The following SH3RF2 variants were observed in gnomAD, a reference collection of about 807,000 sequenced individuals.
The protein encoded by SH3RF2 is E3 ubiquitin-protein ligase SH3RF2.
A neutral mutation model predicts 59.0 loss-of-function variants in SH3RF2; 43 were observed. The ratio of observed to expected loss-of-function variants is 0.73; its 90% CI spans 0.57 to 0.94. SH3RF2 has a LOEUF of 0.94. Among genes scored for constraint, SH3RF2 ranks in the 40% least tolerant of loss-of-function variants. The pLI, the probability that SH3RF2 is intolerant of heterozygous loss-of-function variation, is 0.00. For synonymous variants in SH3RF2, 391 were observed against 391.5 expected (o/e 1.00, Z 0.01); for missense variants, 930 against 940.1 (o/e 0.99, Z 0.14).
At chr5:146,040,311 A>G (rs1762082074) in intron 5 of SH3RF2, among the ~76,000 whole-genome samples, 1 of 152,228 alleles carries the variant, frequency 6.6e-6, no homozygotes, top group Non-Finnish European at 1.5e-5. Flanking sequence ...CAAAATATAT[A>G]TACTTATCCG....
intron 2 of SH3RF2, among the ~76,000 whole-genome samples, chr5:145,946,297 T>C (rs1758002542): frequency 6.6e-6 from 1 of 152,214 alleles, no homozygotes; most frequent in South Asian, 2.1e-4. Context: ...TCGATCTTTT[T>C]TCCGAGTACA....
rs35295719 is a variant in SH3RF2 at position 145,959,615 on chromosome 5, ATGTGTGTG to A, written c.378+21335_378+21342del. 7.6e-4 allele frequency among the ~76,000 whole-genome samples: 110 copies of A among 145,516 alleles called. No individual in the cohort carries two copies. The East Asian group carries it at 9.2e-3, about 12-fold the overall frequency. ...CAATAAAATCTACTGCTATATATAT[ATGTGTGTG>A]TGTGTGTGTGTGTGTGTGTGTGTGT... On this transcript the variant is annotated intron_variant, in intron 2 of 9. Coordinates refer to ENST00000359120, the MANE Select transcript of SH3RF2 (RefSeq NM_152550.4).
chr5:146,003,975 T>G, intron 3 of SH3RF2, 83 bp from the exon 4 acceptor site: 1 of 1,142,048 alleles, frequency 8.8e-7, no homozygotes, highest in Non-Finnish European at 1.3e-6. Flanking sequence ...TTACACCATC[T>G]GAGACTCCAA....
chr5:145,938,173 C>G lies in SH3RF2; in HGVS notation c.245C>G (p.Ser82Cys). The stretch of plus-strand genomic sequence containing the variant: ...GATGGAGTGCGCTCAGGGCAGAGCT[C>G]CGGGAGAGGGGGCTCCTTCCGCAGG... ...LLDGVRSGQS[S>C]GRGGSFRRPG... is the part of the protein sequence containing the mutation. Residue 82 changes from serine (S) to cysteine (C), a missense_variant, in exon 2 of 10, where the codon TCC becomes TGC. Transcript: ENST00000359120. The G allele has an allele frequency of 6.2e-7, 1 of 1,614,082 alleles. No individual in the cohort carries two copies.
chr5:146,021,155 A>AT (rs1580871941), intron 5 of SH3RF2, among the ~76,000 whole-genome samples: 2 of 144,068 alleles, frequency 1.4e-5, no homozygotes, highest in Admixed American at 6.7e-5. Flanking sequence ...TAATATATAT[A>AT]TTTTTTCCTT....
At chr5:145,961,807 C>T (rs1242827133) in intron 2 of SH3RF2, among the ~76,000 whole-genome samples, 1 of 152,184 alleles carries the variant, frequency 6.6e-6, no homozygotes. Flanking sequence ...AAGACCTTCT[C>T]AGTTGTAATT....
rs965400991 is a variant in SH3RF2, at chr5:146,000,461, T to G, written c.648+134T>G. On this transcript the variant is annotated intron_variant, in intron 3 of 9. Coordinates refer to ENST00000359120, the MANE Select transcript of SH3RF2 (RefSeq NM_152550.4). Reference sequence around the variant, plus strand: ...TATTATATTATTGTTAATATTTTATTCATAAAAATATATTTTGTGCATAAA... The same window carrying G: ...TATTATATTATTGTTAATATTTTATGCATAAAAATATATTTTGTGCATAAA... The G allele has an allele frequency of 7.2e-5, 50 of 697,576 alleles. No individual in the cohort carries two copies. In the African/African-American group the frequency reaches 9.3e-4, roughly 13 times the overall value. 43.2% of individuals were successfully genotyped at this position (697,576 alleles called of 1,614,324 possible). A position where few individuals can be genotyped will look rare whatever the true frequency, so the allele number is the denominator to read the frequency against.
At chr5:145,963,243 A>G (rs377150052) in intron 2 of SH3RF2, among the ~76,000 whole-genome samples, 128 of 148,032 alleles carry the variant, frequency 8.6e-4, no homozygotes, top group African/African-American at 2.8e-3. Context: ...ATACTGGATG[A>G]ATGGATGGAT....
At chr5:145,967,566 T>C (rs145915860) in intron 2 of SH3RF2, among the ~76,000 whole-genome samples, 1 of 152,356 alleles carries the variant, frequency 6.6e-6, no homozygotes, top group East Asian at 1.9e-4. Context: ...TTGGTGCAGG[T>C]TCTTGACCAC....
At chr5:146,047,155 G>C (rs573407721) in intron 5 of SH3RF2, among the ~76,000 whole-genome samples, 1 of 56,090 alleles carries the variant, frequency 1.8e-5, no homozygotes, top group Non-Finnish European at 4.7e-5. Flanking sequence ...TTGGATAGGC[G>C]TGTGTGTGTG....
intron 5 of SH3RF2, among the ~76,000 whole-genome samples, chr5:146,021,036 A>G (rs1037599637): frequency 1.3e-5 from 2 of 152,176 alleles, no homozygotes; most frequent in East Asian, 1.9e-4. Flanking sequence ...TTGAACTATT[A>G]TAAGTCCAGA....
At chr5:146,034,335 G>A (rs1164127121) in intron 5 of SH3RF2, among the ~76,000 whole-genome samples, 1 of 152,204 alleles carries the variant, frequency 6.6e-6, no homozygotes, top group African/African-American at 2.4e-5. Flanking sequence ...CAGGGTAGCT[G>A]AACCTCTCCA....
At chr5:146,012,457 C>A (rs546851474) in intron 4 of SH3RF2, among the ~76,000 whole-genome samples, 1 of 152,240 alleles carries the variant, frequency 6.6e-6, no homozygotes, top group East Asian at 1.9e-4. Flanking sequence ...CCTCCTTGTA[C>A]CTCTGGTAGA....
chr5:146,055,877 C>T, intron 7 of SH3RF2, 104 bp from the exon 8 acceptor site: 1 of 1,289,458 alleles, frequency 7.8e-7, no homozygotes, highest in Non-Finnish European at 1.1e-6. Flanking sequence ...GAAGTAGCCA[C>T]ATTTGGTATG....
chr5:145,989,749 G>A (rs1561726670), intron 2 of SH3RF2, among the ~76,000 whole-genome samples: 1 of 152,098 alleles, frequency 6.6e-6, no homozygotes, highest in Non-Finnish European at 1.5e-5. Flanking sequence ...CATTGCCAGG[G>A]TGTGTCAAAG....
At chr5:145,962,686 C>T (rs772920558) in intron 2 of SH3RF2, among the ~76,000 whole-genome samples, 2 of 151,976 alleles carry the variant, frequency 1.3e-5, no homozygotes, top group Non-Finnish European at 2.9e-5. Flanking sequence ...CACCCCTCCA[C>T]CAGATTAAAA....
chr5:145,983,153 C>A (rs974803117), intron 2 of SH3RF2, among the ~76,000 whole-genome samples: 1 of 151,938 alleles, frequency 6.6e-6, no homozygotes, highest in Non-Finnish European at 1.5e-5. Flanking sequence ...CAATAGGGCA[C>A]ATCTCTTCCC....
chr5:145,986,221 C>T (rs1186209142), intron 2 of SH3RF2, among the ~76,000 whole-genome samples: 3 of 152,104 alleles, frequency 2.0e-5, no homozygotes, highest in African/African-American at 7.2e-5. Flanking sequence ...TAGGAGAAAC[C>T]TCCACGTCAT....
At position 145,971,543 on chromosome 5, in the gene SH3RF2, G is replaced by A. The variant is rs187565746; in HGVS notation, c.379-28515G>A. Among the ~76,000 whole-genome samples, 21 of 152,338 alleles carry A rather than the reference G, an allele frequency of 1.4e-4. 1 individual carries two copies. Among genetic ancestry groups the A allele is most frequent in the Non-Finnish European group, 2.2e-4 (15 of 68,030 alleles). On this transcript the variant is annotated intron_variant, in intron 2 of 9. Coordinates refer to ENST00000359120, the MANE Select transcript of SH3RF2 (RefSeq NM_152550.4). ...TCTAATGCCTTCAAGCTGGCAAATGGCACCAAATACAGTGTTTATTCCTCA... is the reference window on the plus strand; with the variant it reads ...TCTAATGCCTTCAAGCTGGCAAATGACACCAAATACAGTGTTTATTCCTCA...
Sources: allele counts gnomAD v4.1 joint callset (sites outside exome capture counted in the v4.1 genomes callset), GRCh38; gene constraint gnomAD v4.1.1; transcripts MANE v1.5; gene names NCBI Gene and HGNC (gene_info 2026-07-23, HGNC 2026-07-21).